The following FBXL16 variants were observed in gnomAD, a reference collection of about 807,000 sequenced individuals.
FBXL16 encodes the protein F-box/LRR-repeat protein 16.
In FBXL16, 7 loss-of-function variants were observed where a neutral mutation model predicts 36.7. The ratio of observed to expected loss-of-function variants is 0.19; its 90% CI spans 0.11 to 0.36. The LOEUF (loss-of-function observed/expected upper bound fraction) is 0.36, where lower values mean the gene tolerates loss of function less well. Ranked by LOEUF, FBXL16 falls within the 10% of genes least tolerant of loss-of-function variation. FBXL16 has a pLI of 1.00. For missense variants in FBXL16, 463 were observed against 659.4 expected, an observed-to-expected ratio of 0.70 and a Z score of 3.26; for synonymous variants, 355 against 308.7, an observed-to-expected ratio of 1.15 and a Z score of -1.57.
At chr16:699,188 C>T (rs532646389) in intron 1 of FBXL16, among the ~76,000 whole-genome samples, 5 of 152,322 alleles carry the variant, frequency 3.3e-5, no homozygotes, top group South Asian at 4.1e-4. Context: ...AGCCAAAGTT[C>T]GGGCAGAGCT....
Position 697,202 on chromosome 16 carries a change from G to C in FBXL16, c.204C>G (p.Ala68=). 6.5e-7 allele frequency: 1 copy of C among 1,529,794 alleles called. No individual in the cohort carries two copies. The highest frequency in any genetic ancestry group is 8.7e-7 in the Non-Finnish European group (1 of 1,143,702). 94.8% of individuals were successfully genotyped at this position (1,529,794 alleles called of 1,614,324 possible). The change falls in exon 2 of 6, where the codon GCC becomes GCG. Residue 68 remains alanine, a synonymous_variant. Coordinates refer to ENST00000397621, the MANE Select transcript of FBXL16 (RefSeq NM_153350.4). The surrounding 1 kb of genome is among the most constrained non-coding windows in gnomAD (Gnocchi z 4.6). ...PSLAAPLSRA[A]LAGGPCTPAG... Reference sequence around the variant, plus strand: ...CCGGGGTGCACGGGCCCCCAGCCAGGGCAGCCCGGGACAGTGGAGCAGCCA... The same window carrying C: ...CCGGGGTGCACGGGCCCCCAGCCAGCGCAGCCCGGGACAGTGGAGCAGCCA...
chr16:701,780 C>T (rs1393799513), intron 1 of FBXL16, among the ~76,000 whole-genome samples: 4 of 152,212 alleles, frequency 2.6e-5, no homozygotes, highest in Admixed American at 1.3e-4. Context: ...GGTGCTAATA[C>T]GGGGAAGAGA....
chr16:693,058 CTCAG>C lies in FBXL16; in HGVS notation c.*1213_*1216del, dbSNP rs2039982808. The C allele has an allele frequency of 6.6e-6, 1 of 152,094 alleles. No homozygotes were observed. The highest frequency in any genetic ancestry group is 2.4e-5 in the African/African-American group (1 of 41,398). The allele number at this position is 152,094 out of a possible 1,614,324, so 9.4% of individuals were successfully genotyped here. A position where few individuals can be genotyped will look rare whatever the true frequency, so the allele number is the denominator to read the frequency against. ...GATGGGAAGGGGTCCCAGCCCCCTC[CTCAG>C]CAACAGCTGAGATTTGCCAGCATCC... is the stretch of plus-strand genomic sequence containing the variant. On this transcript the variant is annotated 3_prime_UTR_variant, in exon 6 of 6. Coordinates refer to ENST00000397621, the MANE Select transcript of FBXL16 (RefSeq NM_153350.4).
rs769824309 is a variant in FBXL16, at chr16:694,995, G to A, written c.1224C>T (p.Cys408=). ...CCCGGGGCGTGAGAGCCGGTACCTGGCAGCACCATCGCAGGTAGAGGCTGC... is the reference window on the plus strand; with the variant it reads ...CCCGGGGCGTGAGAGCCGGTACCTGACAGCACCATCGCAGGTAGAGGCTGC... ...SLRSLYLRWC[C]QVQDFGLKHL... Residue 408 remains cysteine, a synonymous_variant, in exon 4 of 6, where the codon TGC becomes TGT. Transcript: ENST00000397621. The A allele has an allele frequency of 1.1e-5, 17 of 1,543,006 alleles. No homozygotes were observed. The highest frequency in any genetic ancestry group is 1.3e-5 in the Non-Finnish European group (15 of 1,141,162).
intron 1 of FBXL16, among the ~76,000 whole-genome samples, chr16:703,073 C>T (rs1408353229): frequency 3.9e-5 from 6 of 152,218 alleles, no homozygotes; most frequent in Admixed American, 3.3e-4. Flanking sequence ...CCAAAAGCCC[C>T]GGGGCTGGCT....
rs146630687 is a variant in FBXL16, at chr16:696,934, C to T, written c.472G>A (p.Val158Met). 5.0e-6 allele frequency: 8 copies of T among 1,606,758 alleles called. No homozygotes were observed. Among genetic ancestry groups the T allele is most frequent in the South Asian group, 2.2e-5 (2 of 89,962 alleles). The change falls in exon 2 of 6, where the codon GTG becomes ATG. Residue 158 changes from valine to methionine, a missense_variant. By Grantham distance (21) the Val-to-Met change is conservative (BLOSUM62 1). This residue lies in a region of FBXL16 where 263 missense variants were observed against 341.1 expected (regional missense o/e 0.77). Coordinates refer to ENST00000397621, the MANE Select transcript of FBXL16 (RefSeq NM_153350.4). ...CTGGCGGCAAAACCCTGCAGGTTCACGAACTCCTTCTCGCCACCAGGCAGC... is the reference window on the plus strand; with the variant it reads ...CTGGCGGCAAAACCCTGCAGGTTCATGAACTCCTTCTCGCCACCAGGCAGC... ...NVLPGGEKEF[V>M]NLQGFAARGF...
At chr16:704,797 CCTGGGAAGGGCCTGGAGT>C (rs376086085) in intron 1 of FBXL16, among the ~76,000 whole-genome samples, 1 of 152,350 alleles carries the variant, frequency 6.6e-6, no homozygotes, top group African/African-American at 2.4e-5. Context: ...GAGCCTGGAG[CCTGGGAAGGGCCTGGAGT>C]GGCCGCTGGG....
intron 1 of FBXL16, among the ~76,000 whole-genome samples, chr16:702,540 A>ATGAG (rs2040065091): frequency 6.6e-6 from 1 of 152,214 alleles, no homozygotes; most frequent in South Asian, 2.1e-4. Context: ...GAATGAATGA[A>ATGAG]TGCGGAATGT....
Position 694,168 on chromosome 16 carries a change from G to A in FBXL16, c.*107C>T, listed in dbSNP as rs2039992159. On this transcript the variant is annotated 3_prime_UTR_variant, in exon 6 of 6. Coordinates refer to ENST00000397621, the MANE Select transcript of FBXL16 (RefSeq NM_153350.4). ...CCCCGCCTCCCGCGCTGGGCCGGGG[G>A]CGCGGGGGCTCCCCCGAGCGCAAGG... 1 of 768,894 alleles carries A rather than the reference G, an allele frequency of 1.3e-6. No individual in the cohort carries two copies. The highest frequency in any genetic ancestry group is 4.7e-5 in the Admixed American group (1 of 21,250). 47.6% of individuals were successfully genotyped at this position (768,894 alleles called of 1,614,324 possible).
Position 697,647 on chromosome 16 carries a change from C to A in FBXL16, c.-14-228G>T, listed in dbSNP as rs1327105438. On this transcript the variant is annotated intron_variant, in intron 1 of 5. Coordinates refer to ENST00000397621, the MANE Select transcript of FBXL16 (RefSeq NM_153350.4). The surrounding 1 kb of genome is among the most constrained non-coding windows in gnomAD (Gnocchi z 4.6). Reference sequence around the variant, plus strand: ...ACTCACTGGGCACCTACGGTATGCACTGAGCCCAACCTTCATTGCCCATGG... The same window carrying A: ...ACTCACTGGGCACCTACGGTATGCAATGAGCCCAACCTTCATTGCCCATGG... Among the ~76,000 whole-genome samples the A allele has an allele frequency of 6.6e-6, 1 of 152,196 alleles. No homozygotes were observed. The highest frequency in any genetic ancestry group is 1.9e-4 in the East Asian group (1 of 5,182).
intron 4 of FBXL16, 38 bp from the exon 5 acceptor site, chr16:694,735 C>G (rs776542744): frequency 8.3e-6 from 13 of 1,568,114 alleles, no homozygotes; most frequent in Non-Finnish European, 1.1e-5. Context: ...GATTTCCGCT[C>G]GCACCGAGGC....
intron 1 of FBXL16, among the ~76,000 whole-genome samples, chr16:705,108 G>T (rs559647949): frequency 3.3e-5 from 5 of 152,188 alleles, no homozygotes; most frequent in Admixed American, 6.5e-5. Context: ...CCCTCAGGCC[G>T]CACATCCACG....
At chr16:699,498 T>C (rs1009007015) in intron 1 of FBXL16, among the ~76,000 whole-genome samples, 2 of 152,196 alleles carry the variant, frequency 1.3e-5, no homozygotes, top group Non-Finnish European at 2.9e-5. Context: ...GGCAAGCCAC[T>C]TCCCTTCTCT....
intron 1 of FBXL16, among the ~76,000 whole-genome samples, chr16:701,695 G>T (rs139441256): frequency 8.6e-5 from 13 of 151,982 alleles, no homozygotes; most frequent in South Asian, 2.1e-4. Flanking sequence ...GAGAGCCCTC[G>T]TTCCACCCAG....
At position 693,148 on chromosome 16, in the gene FBXL16, G is replaced by C. The variant is rs1218046001; in HGVS notation, c.*1127C>G. On this transcript the variant is annotated 3_prime_UTR_variant, in exon 6 of 6. Coordinates refer to ENST00000397621, the MANE Select transcript of FBXL16 (RefSeq NM_153350.4). ...CGGTCAGAGCCCATTTGGGCAGACA[G>C]AAGTTTGGGAAGCTGGGGAGGGGTG... 6.9e-6 allele frequency: 1 copy of C among 144,384 alleles called. No homozygotes were observed. Among genetic ancestry groups the C allele is most frequent in the East Asian group, 2.3e-4 (1 of 4,366 alleles). 8.9% of individuals were successfully genotyped at this position (144,384 alleles called of 1,614,324 possible).
chr16:702,429 G>A (rs981860089), intron 1 of FBXL16, among the ~76,000 whole-genome samples: 6 of 152,180 alleles, frequency 3.9e-5, no homozygotes, highest in Admixed American at 3.9e-4. Flanking sequence ...TATCATCACT[G>A]TCCACCTGGT....
intron 1 of FBXL16, among the ~76,000 whole-genome samples, chr16:699,327 C>T (rs2040039324): frequency 1.3e-5 from 2 of 152,232 alleles, no homozygotes; most frequent in Admixed American, 1.3e-4. Context: ...GCACTGGGCA[C>T]AGCCACGGAA....
At position 696,913 on chromosome 16, in the gene FBXL16, C is replaced by A. The variant is rs781126331; in HGVS notation, c.493G>T (p.Ala165Ser). Residue 165 changes from alanine to serine, a missense_variant, in exon 2 of 6, where the codon GCC (alanine) becomes TCC (serine). Around this residue, in one of 3 missense-constraint regions of FBXL16, gnomAD observed 263 missense variants for 341.1 expected, o/e 0.77. Coordinates refer to ENST00000397621, the MANE Select transcript of FBXL16 (RefSeq NM_153350.4). ...AGGCAGAAGCCCTCGAAGCCTCTGG[C>A]GGCAAAACCCTGCAGGTTCACGAAC... is the stretch of plus-strand genomic sequence containing the variant. ...KEFVNLQGFA[A>S]RGFEGFCLVG... 2.5e-6 allele frequency: 4 copies of A among 1,609,646 alleles called. No individual in the cohort carries two copies. In the African/African-American group the frequency reaches 5.4e-5, roughly 22 times the overall value.
In FBXL16 at chr16:695,507, G is replaced by C; in HGVS notation, c.1050C>G (p.Ser350Arg). 5.6e-6 allele frequency: 9 copies of C among 1,595,064 alleles called. No homozygotes were observed. Among genetic ancestry groups the C allele is most frequent in the Non-Finnish European group, 7.6e-6 (9 of 1,176,816 alleles). Residue 350 changes from serine (S) to arginine (R), a missense_variant, in exon 3 of 6, where the codon AGC becomes AGG. Ser to Arg is a moderately radical substitution (Grantham distance 110). This residue lies in a region of FBXL16 where 134 missense variants were observed against 172.0 expected (regional missense o/e 0.78). Coordinates refer to ENST00000397621, the MANE Select transcript of FBXL16 (RefSeq NM_153350.4). ...LVAENLRKLR[S>R]LDLSWCPRIT... ...TGCGTGGGCACCACGAGAGGTCAAG[G>C]CTGCGCAGCTTGCGCAGGTTCTCGG... is the stretch of plus-strand genomic sequence containing the variant.
Sources: allele counts gnomAD v4.1 joint callset (sites outside exome capture counted in the v4.1 genomes callset), GRCh38; gene constraint gnomAD v4.1.1; regional missense constraint gnomAD v4.1.1; non-coding constraint Gnocchi (gnomAD v3.1); transcripts MANE v1.5; gene names NCBI Gene and HGNC (gene_info 2026-07-23, HGNC 2026-07-21).